The following MTR variants were observed in gnomAD, a reference collection of about 807,000 sequenced individuals.
MTR encodes 5-methyltetrahydrofolate-homocysteine methyltransferase.
A neutral mutation model predicts 154.8 loss-of-function variants in MTR; 84 were observed. The ratio of observed to expected loss-of-function variants is 0.54; its 90% CI spans 0.45 to 0.65. MTR has a LOEUF of 0.65. Ranked by LOEUF, MTR falls within the 30% of genes least tolerant of loss-of-function variation. The pLI is 0.00. For synonymous variants in MTR, 554 were observed against 553.9 expected (o/e 1.00, Z 0.00); for missense variants, 1,275 against 1,570.2 (o/e 0.81, Z 3.18).
rs121913582 is a variant in MTR, at chr1:236,835,586, G to C, written c.1228G>C (p.Ala410Pro). Reference protein sequence around the residue: ...CVAKVQVEMGAQVLDVNMDDG... With the variant: ...CVAKVQVEMGPQVLDVNMDDG... ...TGCCAAAGTGCAGGTGGAAATGGGA[G>C]CCCAGGTGTTGGATGTCAACATGGA... The change falls in exon 14 of 33, where the codon GCC becomes CCC. Residue 410 changes from alanine to proline, a missense_variant. Transcript: ENST00000366577. 5 of 1,611,226 alleles carry C rather than the reference G, an allele frequency of 3.1e-6. No homozygotes were observed. Among genetic ancestry groups the C allele is most frequent in the Non-Finnish European group, 4.2e-6 (5 of 1,179,554 alleles).
intron 32 of MTR, 39 bp from the exon 33 acceptor site, chr1:236,897,519 A>T: frequency 3.8e-6 from 6 of 1,574,802 alleles, no homozygotes; most frequent in Non-Finnish European, 4.4e-6. Flanking sequence ...CAAAAGTCTT[A>T]TCATGTTGGT....
chr1:236,838,696 A>T lies in MTR; in HGVS notation c.1515+97A>T, dbSNP rs956830493. 7 of 1,223,484 alleles carry T rather than the reference A, an allele frequency of 5.7e-6. No homozygotes were observed. The African/African-American group carries it at 1.0e-4, about 18-fold the overall frequency. 75.8% of individuals were successfully genotyped at this position (1,223,484 alleles called of 1,614,324 possible). Reference sequence around the variant, plus strand: ...GAAACAGCTACATATATACATACACATATACATTTATCTCTTTCCATATAC... The same window carrying T: ...GAAACAGCTACATATATACATACACTTATACATTTATCTCTTTCCATATAC... On this transcript the variant is annotated intron_variant, in intron 15 of 32. Transcript: ENST00000366577.
intron 22 of MTR, among the ~76,000 whole-genome samples, chr1:236,865,204 A>G (rs1558321813): frequency 6.6e-6 from 1 of 152,244 alleles, no homozygotes; most frequent in Non-Finnish European, 1.5e-5. Context: ...TGTGTTGGGC[A>G]CTGAGGGTTT....
intron 5 of MTR, among the ~76,000 whole-genome samples, chr1:236,811,444 G>C (rs1308210298): frequency 6.6e-6 from 1 of 152,128 alleles, no homozygotes; most frequent in African/African-American, 2.4e-5. Flanking sequence ...CAAGACTATA[G>C]AAAACAAAAA....
intron 21 of MTR, among the ~76,000 whole-genome samples, chr1:236,862,692 C>T (rs1032980835): frequency 2.0e-5 from 3 of 152,196 alleles, no homozygotes; most frequent in Non-Finnish European, 4.4e-5. Flanking sequence ...GGTCTGTCCC[C>T]GCCCTTGAGG....
chr1:236,814,093 C>A (rs1251431436), intron 6 of MTR, among the ~76,000 whole-genome samples: 2 of 152,040 alleles, frequency 1.3e-5, no homozygotes, highest in Non-Finnish European at 2.9e-5. Flanking sequence ...TCAAAAAAAT[C>A]GTTTTCTAAA....
intron 8 of MTR, among the ~76,000 whole-genome samples, chr1:236,819,052 A>T (rs1338850357): frequency 6.6e-6 from 1 of 152,188 alleles, no homozygotes; most frequent in Non-Finnish European, 1.5e-5. Context: ...TTCTCTCATT[A>T]TCAACAGCTT....
chr1:236,826,919 A>G (rs371720596), intron 11 of MTR, 23 bp downstream of exon 11: 3 of 1,599,676 alleles, frequency 1.9e-6, no homozygotes, highest in Non-Finnish European at 2.6e-6. Flanking sequence ...TATAGACAAT[A>G]TATCTAAAAC....
intron 2 of MTR, among the ~76,000 whole-genome samples, chr1:236,805,216 G>A (rs982286335): frequency 1.3e-5 from 2 of 152,276 alleles, no homozygotes; most frequent in East Asian, 1.9e-4. Flanking sequence ...TTGAGGTTGA[G>A]ATGATCCAAG....
rs1245033949 is a variant in MTR, at chr1:236,900,706, A to G, written c.*3062A>G. 1.3e-5 allele frequency: 2 copies of G among 152,356 alleles called. No homozygotes were observed. The highest frequency in any genetic ancestry group is 3.4e-3 in the Middle Eastern group (1 of 294). 9.4% of individuals were successfully genotyped at this position (152,356 alleles called of 1,614,324 possible). A position where few individuals can be genotyped will look rare whatever the true frequency, so the allele number is the denominator to read the frequency against. On this transcript the variant is annotated 3_prime_UTR_variant, in exon 33 of 33. Coordinates refer to ENST00000366577, the MANE Select transcript of MTR (RefSeq NM_000254.3). ...GTGATTTTGTAGGTAATGTTTGTAT[A>G]TGTCAAATACAGTTTTTAAGGAAAG...
intron 29 of MTR, among the ~76,000 whole-genome samples, chr1:236,892,602 G>A (rs1459773472): frequency 6.6e-6 from 1 of 152,152 alleles, no homozygotes; most frequent in East Asian, 1.9e-4. Context: ...GCCTTCAGCA[G>A]TACCATGAAG....
At chr1:236,881,643 T>C (rs1421516655) in intron 25 of MTR, among the ~76,000 whole-genome samples, 1 of 152,150 alleles carries the variant, frequency 6.6e-6, no homozygotes, top group Non-Finnish European at 1.5e-5. Flanking sequence ...GGAGGTGGCC[T>C]GGTGATCTGC....
At chr1:236,853,176 A>G (rs1426806293) in intron 18 of MTR, 88 bp downstream of exon 18, 4 of 1,402,056 alleles carry the variant, frequency 2.9e-6, no homozygotes, top group Non-Finnish European at 4.0e-6. Context: ...ATGGTGGAAT[A>G]GAAGCAAATA....
chr1:236,825,512 A>C, intron 10 of MTR, 113 bp downstream of exon 10: 5 of 1,106,892 alleles, frequency 4.5e-6, no homozygotes, highest in Non-Finnish European at 6.9e-6. Flanking sequence ...TACATATAAC[A>C]AAGAAAAGTT....
intron 4 of MTR, 149 bp downstream of exon 4, chr1:236,808,922 T>C (rs754451470): frequency 4.8e-5 from 36 of 749,422 alleles, no homozygotes; most frequent in Non-Finnish European, 2.4e-5. Context: ...TGTAGATTAC[T>C]TCTCTGCAGT....
intron 1 of MTR, among the ~76,000 whole-genome samples, chr1:236,799,135 T>A (rs1388105543): frequency 6.6e-6 from 1 of 151,996 alleles, no homozygotes; most frequent in Non-Finnish European, 1.5e-5. Context: ...TTTTTCCCCC[T>A]TTTTCTTGAG....
chr1:236,831,795 T>C (rs953531174), intron 12 of MTR, among the ~76,000 whole-genome samples, 171 bp from the exon 13 acceptor site: 1 of 152,248 alleles, frequency 6.6e-6, no homozygotes, highest in African/African-American at 2.4e-5. Flanking sequence ...TTTACTGCAT[T>C]TGAATCTCCC....
chr1:236,877,175 T>C (rs572802404), intron 24 of MTR, among the ~76,000 whole-genome samples: 1 of 152,346 alleles, frequency 6.6e-6, no homozygotes, highest in South Asian at 2.1e-4. Flanking sequence ...CAGTTCTGAC[T>C]CCATTCTAAT....
intron 16 of MTR, 131 bp from the exon 17 acceptor site, chr1:236,852,390 G>A: frequency 2.7e-6 from 2 of 738,082 alleles, no homozygotes; most frequent in South Asian, 1.5e-5. Context: ...GTAACAAGAA[G>A]CTCTGAATTA....
Sources: allele counts gnomAD v4.1 joint callset (sites outside exome capture counted in the v4.1 genomes callset), GRCh38; gene constraint gnomAD v4.1.1; transcripts MANE v1.5; gene names NCBI Gene and HGNC (gene_info 2026-07-23, HGNC 2026-07-21).